RNF220: variants seen among roughly 807,000 people sequenced by gnomAD.
RNF220 encodes ring finger protein 220, also known as E3 ubiquitin-protein ligase RNF220.
A neutral mutation model predicts 67.1 loss-of-function variants in RNF220; 7 were observed. The ratio of observed to expected loss-of-function variants is 0.10; its 90% CI spans 0.06 to 0.20. The LOEUF is 0.20. RNF220 is among the 10% of genes least tolerant of loss of function. The probability of loss-of-function intolerance (pLI) is 1.00; values close to 1 mark genes in which losing one functional copy is unlikely to be tolerated. For synonymous variants in RNF220, 270 were observed against 283.2 expected (o/e 0.95, Z 0.47); for missense variants, 565 against 740.3 (o/e 0.76, Z 2.75).
chr1:44,546,508 G>C (rs1425630823), intron 2 of RNF220, among the ~76,000 whole-genome samples: 1 of 152,144 alleles, frequency 6.6e-6, no homozygotes, highest in Non-Finnish European at 1.5e-5. Context: ...GATTGAATTT[G>C]GAAGCCATTG....
At chr1:44,451,584 A>C (rs1255903217) in intron 2 of RNF220, among the ~76,000 whole-genome samples, 1 of 152,004 alleles carries the variant, frequency 6.6e-6, no homozygotes, top group Non-Finnish European at 1.5e-5. Flanking sequence ...CATTGTCTTA[A>C]ATCATACATA....
chr1:44,410,383 T>C (rs1274731960), intron 1 of RNF220, among the ~76,000 whole-genome samples: 1 of 152,228 alleles, frequency 6.6e-6, no homozygotes, highest in Non-Finnish European at 1.5e-5. Flanking sequence ...TGGCTGTCCT[T>C]GGCAGATCAT....
intron 2 of RNF220, among the ~76,000 whole-genome samples, chr1:44,484,997 G>A (rs1436421049): frequency 1.3e-5 from 2 of 152,130 alleles, no homozygotes; most frequent in Admixed American, 1.3e-4. Context: ...CAAAAAATTA[G>A]CTGGGCATGG....
intron 2 of RNF220, among the ~76,000 whole-genome samples, chr1:44,446,972 C>T (rs1652172583): frequency 6.6e-6 from 1 of 152,178 alleles, no homozygotes; most frequent in Non-Finnish European, 1.5e-5. Flanking sequence ...TGAGCTCTAC[C>T]TCCACTTCTT....
intron 2 of RNF220, among the ~76,000 whole-genome samples, chr1:44,520,973 G>A (rs572869582): frequency 1.3e-5 from 2 of 152,188 alleles, no homozygotes; most frequent in South Asian, 2.1e-4. Context: ...ATAGCTAGCT[G>A]TAACCTCAAA....
chr1:44,553,265 T>G (rs156255), intron 2 of RNF220, among the ~76,000 whole-genome samples: 149,933 of 152,142 alleles, frequency 0.99, 73,910 homozygotes, highest in Middle Eastern at 1. Flanking sequence ...AAAATTGTGT[T>G]CTTAGTGACA....
At chr1:44,433,193 G>A (rs2147873249) in intron 2 of RNF220, among the ~76,000 whole-genome samples, 1 of 152,252 alleles carries the variant, frequency 6.6e-6, no homozygotes, top group Admixed American at 6.5e-5. Context: ...GCCTCCCAAA[G>A]TGCTGGGATT....
In RNF220 at chr1:44,621,504, G is replaced by A. The variant is rs993559689; in HGVS notation, c.759-1238G>A. On this transcript the variant is annotated intron_variant, in intron 3 of 14. Coordinates refer to ENST00000361799, the MANE Select transcript of RNF220 (RefSeq NM_018150.4). The surrounding 1 kb of genome is among the most constrained non-coding windows in gnomAD (Gnocchi z 4.8). ...GCCAGTAGCAACCTCCCCTCCCTCC[G>A]CTCAAGTTTTGACAATCAAAAATGT... Among the ~76,000 whole-genome samples the A allele has an allele frequency of 4.6e-5, 7 of 152,012 alleles. No homozygotes were observed. The highest frequency in any genetic ancestry group is 3.3e-4 in the Admixed American group (5 of 15,266).
At chr1:44,577,082 TC>T (rs1664863242) in intron 2 of RNF220, among the ~76,000 whole-genome samples, 1 of 152,176 alleles carries the variant, frequency 6.6e-6, no homozygotes, top group Admixed American at 6.5e-5. Context: ...ATTCAAATAG[TC>T]AAGACAGTCT....
chr1:44,481,068 TA>T (rs577553927), intron 2 of RNF220, among the ~76,000 whole-genome samples: 59 of 152,090 alleles, frequency 3.9e-4, no homozygotes, highest in South Asian at 1.0e-3. Flanking sequence ...GAAGAGCTAA[TA>T]GGGGGTGAGA....
At chr1:44,441,470 G>A (rs986960181) in intron 2 of RNF220, among the ~76,000 whole-genome samples, 1 of 152,104 alleles carries the variant, frequency 6.6e-6, no homozygotes, top group African/African-American at 2.4e-5. Context: ...ATACAGAACA[G>A]GAATAATAAA....
At chr1:44,637,398 C>G (rs902036406) in intron 8 of RNF220, among the ~76,000 whole-genome samples, 8 of 152,208 alleles carry the variant, frequency 5.3e-5, no homozygotes, top group African/African-American at 1.7e-4. Context: ...CTGGAGCCTT[C>G]GAGTATCTGA....
chr1:44,536,635 G>A (rs1572808168), intron 2 of RNF220, among the ~76,000 whole-genome samples: 3 of 152,238 alleles, frequency 2.0e-5, no homozygotes, highest in South Asian at 2.1e-4. Context: ...ATGAAATGGC[G>A]CATCAGTAAG....
intron 2 of RNF220, among the ~76,000 whole-genome samples, chr1:44,444,372 CCATATTATTG>C (rs1174796300): frequency 1.3e-5 from 2 of 151,976 alleles, no homozygotes; most frequent in African/African-American, 4.8e-5. Flanking sequence ...TGAGATTCAT[CCATATTATTG>C]CATGTAGTTA....
chr1:44,432,231 T>C (rs1417286291), intron 2 of RNF220, among the ~76,000 whole-genome samples: 18 of 152,316 alleles, frequency 1.2e-4, no homozygotes, highest in Admixed American at 2.0e-4. Context: ...GTAGAGGCAT[T>C]TTAAAACAAC....
At chr1:44,520,689 A>G (rs1213190650) in intron 2 of RNF220, among the ~76,000 whole-genome samples, 3 of 152,156 alleles carry the variant, frequency 2.0e-5, no homozygotes, top group African/African-American at 7.2e-5. Flanking sequence ...CTAGGCTGCT[A>G]TATCATTCTG....
rs59797573 is a variant in RNF220 at position 44,537,793 on chromosome 1, T to A, written c.626-76372T>A. On this transcript the variant is annotated intron_variant, in intron 2 of 14. Transcript: ENST00000361799. ...GTACGAAGCCCAGAAAAGTGCAGAA[T>A]GTTCCCACTGTGTTTGTGGTGTGAC... Among the ~76,000 whole-genome samples the A allele has an allele frequency of 2.7e-3, 416 of 152,316 alleles. 16 individuals are homozygous for A. In the East Asian group the frequency reaches 0.073, roughly 27 times the overall value.
intron 2 of RNF220, among the ~76,000 whole-genome samples, chr1:44,574,580 G>T (rs568452564): frequency 2.6e-5 from 4 of 152,200 alleles, no homozygotes; most frequent in African/African-American, 9.7e-5. Flanking sequence ...AGAGCCTAAA[G>T]CCTGGCCCTT....
Position 44,452,588 on chromosome 1 carries a change from G to C in RNF220, c.625+39866G>C, listed in dbSNP as rs144089687. Among the ~76,000 whole-genome samples the C allele has an allele frequency of 2.2e-4, 33 of 151,988 alleles. No individual in the cohort carries two copies. In the East Asian group the frequency reaches 6.2e-3, roughly 28 times the overall value. ...AATAAAAATAAATAAATAATAAACC[G>C]TATGGGGCCAAAAACTGTGTATTCT... On this transcript the variant is annotated intron_variant, in intron 2 of 14. Transcript: ENST00000361799.
Sources: allele counts gnomAD v4.1 joint callset (sites outside exome capture counted in the v4.1 genomes callset), GRCh38; gene constraint gnomAD v4.1.1; non-coding constraint Gnocchi (gnomAD v3.1); transcripts MANE v1.5; gene names NCBI Gene and HGNC (gene_info 2026-07-23, HGNC 2026-07-21).